Variants in PCBP3 observed in about 807,000 individuals in gnomAD.
The protein encoded by PCBP3 is poly(rC)-binding protein 3.
Under a neutral mutation model 52.7 loss-of-function variants are expected in PCBP3, and 25 were observed. The observed-to-expected ratio is 0.47, with a 90% CI of 0.35 to 0.66. The LOEUF is 0.66. Among genes scored for constraint, PCBP3 ranks in the 30% least tolerant of loss-of-function variants. PCBP3 has a pLI of 0.01. For synonymous variants in PCBP3, 162 were observed against 183.0 expected (o/e 0.89, Z 0.93); for missense variants, 391 against 490.3 (o/e 0.80, Z 1.91).
intron 15 of PCBP3, among the ~76,000 whole-genome samples, chr21:45,933,705 G>A (rs1427111506): frequency 3.9e-5 from 6 of 152,218 alleles, no homozygotes; most frequent in Admixed American, 2.6e-4. Context: ...AGATGAATTG[G>A]TTCATTCAGC....
chr21:45,759,146 T>C (rs917168208), intron 4 of PCBP3, among the ~76,000 whole-genome samples: 13 of 152,214 alleles, frequency 8.5e-5, no homozygotes, highest in Non-Finnish European at 1.3e-4. Flanking sequence ...TGGCTTTGTA[T>C]AGGTTTGCTG....
intron 5 of PCBP3, among the ~76,000 whole-genome samples, chr21:45,864,077 C>T (rs556233719): frequency 3.9e-4 from 59 of 152,262 alleles, no homozygotes; most frequent in African/African-American, 1.3e-3. Context: ...GAAACATAAA[C>T]GTGGCTTTAC....
At chr21:45,803,612 G>C (rs1260844011) in intron 4 of PCBP3, among the ~76,000 whole-genome samples, 4 of 152,192 alleles carry the variant, frequency 2.6e-5, no homozygotes, top group African/African-American at 4.8e-5. Context: ...ACAGGACACT[G>C]AGGGCAGGAA....
At chr21:45,687,386 G>C (rs2082215554) in intron 2 of PCBP3, among the ~76,000 whole-genome samples, 1 of 152,070 alleles carries the variant, frequency 6.6e-6, no homozygotes, top group African/African-American at 2.4e-5. Flanking sequence ...TATCCATCAA[G>C]AAAAAGAAAA....
At chr21:45,722,819 C>T (rs559564993) in intron 2 of PCBP3, among the ~76,000 whole-genome samples, 38 of 151,708 alleles carry the variant, frequency 2.5e-4, no homozygotes, top group Middle Eastern at 3.4e-3. Flanking sequence ...TGGCTAACAA[C>T]GGTGAAACAT....
chr21:45,850,544 G>A (rs1441517703), intron 5 of PCBP3, among the ~76,000 whole-genome samples: 2 of 152,198 alleles, frequency 1.3e-5, no homozygotes, highest in South Asian at 2.1e-4. Flanking sequence ...TAGTGCCGTG[G>A]CTTGAGCTGC....
In PCBP3 at chr21:45,882,364, T is replaced by A. The variant is rs183374409; in HGVS notation, c.11-13844T>A. On this transcript the variant is annotated intron_variant, in intron 5 of 17. Transcript: ENST00000681687. ...CCATTCCGTTTCTTTGCCATTTTTT[T>A]AAAATCTGGTATTTGTTTTCTTGCT... 2.5e-3 allele frequency among the ~76,000 whole-genome samples: 381 copies of A among 152,352 alleles called. 3 individuals are homozygous for A. Among genetic ancestry groups the A allele is most frequent in the South Asian group, 6.2e-3 (30 of 4,832 alleles).
intron 4 of PCBP3, chr21:45,762,011 A>G (rs1215309680): frequency 1.3e-5 from 2 of 152,214 alleles, no homozygotes; most frequent in Non-Finnish European, 1.5e-5. Context: ...TTTCGTTGCA[A>G]TTGTTTCTCC....
chr21:45,668,433 C>G (rs1426930839), intron 1 of PCBP3, among the ~76,000 whole-genome samples: 2 of 152,024 alleles, frequency 1.3e-5, no homozygotes, highest in Non-Finnish European at 2.9e-5. Context: ...GCAAGTGGAA[C>G]CTGTTAGCCA....
chr21:45,811,818 A>G (rs1235645701), intron 4 of PCBP3, among the ~76,000 whole-genome samples: 2 of 152,228 alleles, frequency 1.3e-5, no homozygotes, highest in East Asian at 3.8e-4. Context: ...CTGGCAGTAC[A>G]TTTTTAACTG....
At position 45,719,412 on chromosome 21, in the gene PCBP3, T is replaced by C. The variant is rs143926617; in HGVS notation, c.-199-15980T>C. Among the ~76,000 whole-genome samples, 150 of 152,284 alleles carry C rather than the reference T, an allele frequency of 9.9e-4. No individual in the cohort carries two copies. In the East Asian group the frequency reaches 0.025, roughly 25 times the overall value. The stretch of plus-strand genomic sequence containing the variant: ...GCAGGAAATGTGTGCAGAGGGTTTT[T>C]AGTGTGTCTTCTCCAAGACATACTG... On this transcript the variant is annotated intron_variant, in intron 2 of 17. Coordinates refer to ENST00000681687, the MANE Select transcript of PCBP3 (RefSeq NM_001384156.1).
intron 5 of PCBP3, among the ~76,000 whole-genome samples, chr21:45,870,277 C>G (rs562937747): frequency 9.3e-4 from 141 of 152,128 alleles, no homozygotes; most frequent in African/African-American, 3.3e-3. Flanking sequence ...ATATTTTTAG[C>G]AGATACCATT....
intron 12 of PCBP3, chr21:45,915,446 A>T (rs994405311): frequency 2.0e-5 from 3 of 152,214 alleles, no homozygotes; most frequent in Admixed American, 6.5e-5. Context: ...CAAATCCATG[A>T]TGATATCATG....
At chr21:45,832,278 C>T (rs774818145) in intron 4 of PCBP3, among the ~76,000 whole-genome samples, 29 of 152,132 alleles carry the variant, frequency 1.9e-4, no homozygotes, top group Non-Finnish European at 2.6e-4. Flanking sequence ...CCAGAGGTCA[C>T]GCTCATCTCC....
At chr21:45,884,258 TG>T (rs1286206400) in intron 5 of PCBP3, among the ~76,000 whole-genome samples, 2 of 152,210 alleles carry the variant, frequency 1.3e-5, no homozygotes, top group African/African-American at 4.8e-5. Context: ...TTGTTGGCTT[TG>T]TTTTTTGTTT....
At chr21:45,775,842 C>T (rs2183597) in intron 4 of PCBP3, among the ~76,000 whole-genome samples, 1,733 of 152,170 alleles carry the variant, frequency 0.011, 12 homozygotes, top group South Asian at 0.016. Context: ...ATTTAGTTCT[C>T]CTCTGATTTT....
intron 3 of PCBP3, among the ~76,000 whole-genome samples, chr21:45,753,403 A>G (rs1316513812): frequency 6.6e-6 from 1 of 151,680 alleles, no homozygotes; most frequent in African/African-American, 2.4e-5. Flanking sequence ...TATCTAGTAT[A>G]TATTTTTCTT....
intron 2 of PCBP3, among the ~76,000 whole-genome samples, chr21:45,678,187 A>G (rs1346381582): frequency 2.6e-5 from 4 of 151,940 alleles, no homozygotes; most frequent in African/African-American, 9.7e-5. Context: ...TAAAAATACA[A>G]AAAAATTACT....
At chr21:45,873,036 T>G (rs741954) in intron 5 of PCBP3, 41,044 of 152,034 alleles carry the variant, frequency 0.27, 8,160 homozygotes, top group African/African-American at 0.56. Flanking sequence ...TGGCACCGAG[T>G]GGCTTTCCTC....
Sources: allele counts gnomAD v4.1 joint callset (sites outside exome capture counted in the v4.1 genomes callset), GRCh38; gene constraint gnomAD v4.1.1; transcripts MANE v1.5; gene names NCBI Gene and HGNC (gene_info 2026-07-23, HGNC 2026-07-21).